STX11: variants seen among roughly 807,000 people sequenced by gnomAD.
STX11 encodes syntaxin-11.
STX11 carries 21 observed loss-of-function variants against 19.9 expected under a neutral mutation model. That is an observed-to-expected ratio of 1.06 (90% CI 0.75 to 1.52). The LOEUF (loss-of-function observed/expected upper bound fraction) is 1.52. Among genes scored for constraint, STX11 ranks in the 40% most tolerant of loss-of-function variants. The pLI, the probability that STX11 is intolerant of heterozygous loss-of-function variation, is 0.00. For missense variants in STX11, 438 were observed against 405.9 expected (o/e 1.08, Z -0.68); for synonymous variants, 193 against 174.4 (o/e 1.11, Z -0.84).
At chr6:144,156,007 T>TCC in intron 1 of STX11, among the ~76,000 whole-genome samples, 1 of 119,816 alleles carries the variant, frequency 8.3e-6, no homozygotes, top group East Asian at 2.8e-4. Context: ...TCTTTCTTTC[T>TCC]TTCTTTCTCT....
upstream of STX11, among the ~76,000 whole-genome samples, chr6:144,148,243 ACT>A (rs1421788086): frequency 6.6e-6 from 1 of 151,842 alleles, no homozygotes; most frequent in African/African-American, 2.4e-5. Context: ...CTCTTCCTGG[ACT>A]CTGTTTTGCC....
rs1801558850 is a variant in STX11, at chr6:144,169,061, T to G, written c.-5-17562T>G. On this transcript the variant is annotated intron_variant, in intron 1 of 1. Transcript: ENST00000367568. The surrounding 1 kb of genome is among the most constrained non-coding windows in gnomAD (Gnocchi z 5.2). ...TAATCAGAAAAGACACCCCTGGTGA[T>G]CTAAGCCTTTTTATTAGCATAATGG... Among the ~76,000 whole-genome samples, 1 of 152,232 alleles carries G rather than the reference T, an allele frequency of 6.6e-6. No homozygotes were observed. Among genetic ancestry groups the G allele is most frequent in the African/African-American group, 2.4e-5 (1 of 41,454 alleles).
In STX11 at chr6:144,152,001, G is replaced by A. The variant is rs768299243; in HGVS notation, c.-6+1298G>A. 6.6e-6 allele frequency among the ~76,000 whole-genome samples: 1 copy of A among 152,084 alleles called. No homozygotes were observed. The highest frequency in any genetic ancestry group is 1.5e-5 in the Non-Finnish European group (1 of 68,022). ...TTCAGCCTCAAACAACAGTTACCAGGTACCTTCTCTGTGCCAGCCTCTTCC... is the reference window on the plus strand; with the variant it reads ...TTCAGCCTCAAACAACAGTTACCAGATACCTTCTCTGTGCCAGCCTCTTCC... On this transcript the variant is annotated intron_variant, in intron 1 of 1. Transcript: ENST00000367568. The surrounding 1 kb of genome is among the most constrained non-coding windows in gnomAD (Gnocchi z 4.9).
At position 144,186,694 on chromosome 6, in the gene STX11, G is replaced by C; in HGVS notation, c.67G>C (p.Asp23His). 1 of 1,614,210 alleles carries C rather than the reference G, an allele frequency of 6.2e-7. No individual in the cohort carries two copies. Among genetic ancestry groups the C allele is most frequent in the Non-Finnish European group, 8.5e-7 (1 of 1,180,056 alleles). ...ATATGACCAGCAGTTCCCAGACGGG[G>C]ACGATGAGTTTGACTCGCCCCACGA... ...KQYDQQFPDG[D>H]DEFDSPHEDI... The change falls in exon 2 of 2, where the codon GAC (aspartate) becomes CAC (histidine). Residue 23 changes from aspartate (D) to histidine (H), a missense_variant. Physicochemically the swap from Asp to His is moderately conservative, Grantham distance 81. Transcript: ENST00000367568.
In STX11 at chr6:144,165,964, G is replaced by A. The variant is rs1026207150; in HGVS notation, c.-6+15261G>A. Among the ~76,000 whole-genome samples the A allele has an allele frequency of 4.6e-5, 7 of 152,312 alleles. No individual in the cohort carries two copies. Among genetic ancestry groups the A allele is most frequent in the South Asian group, 2.1e-4 (1 of 4,832 alleles). On this transcript the variant is annotated intron_variant, in intron 1 of 1. Transcript: ENST00000367568. The surrounding 1 kb of genome is among the most constrained non-coding windows in gnomAD (Gnocchi z 5.8). ...CAGCTAGAGATGGAAATGGGAATAA[G>A]CCCTCGCTTACCAGGCCAAGTACCC...
chr6:144,145,323 T>C, the STX11 span, among the ~76,000 whole-genome samples: 1 of 152,238 alleles, frequency 6.6e-6, no homozygotes, highest in Non-Finnish European at 1.5e-5. Context: ...ATTGTATGAT[T>C]CCACTTATAT....
In STX11 at chr6:144,180,403, G is replaced by T. The variant is rs1445469551; in HGVS notation, c.-5-6220G>T. On this transcript the variant is annotated intron_variant, in intron 1 of 1. Coordinates refer to ENST00000367568, the MANE Select transcript of STX11 (RefSeq NM_003764.4). The surrounding 1 kb of genome is among the most constrained non-coding windows in gnomAD (Gnocchi z 5.3). ...TCCCCACCAAATCTCAACTTGAATT[G>T]TATCTCCCAGAATTCCCATGTGTTG... Among the ~76,000 whole-genome samples the T allele has an allele frequency of 6.6e-6, 1 of 152,192 alleles. No individual in the cohort carries two copies. The highest frequency in any genetic ancestry group is 2.4e-5 in the African/African-American group (1 of 41,444).
rs1801870258 is a variant in STX11 at position 144,180,030 on chromosome 6, C to G, written c.-5-6593C>G. Among the ~76,000 whole-genome samples the G allele has an allele frequency of 1.3e-5, 2 of 152,098 alleles. No individual in the cohort carries two copies. The highest frequency in any genetic ancestry group is 4.1e-4 in the South Asian group (2 of 4,832). ...TTTCTCTTTCTGTGTGTGTGTGTAT[C>G]TACAAGCTGATCTCCATAATAAGCT... On this transcript the variant is annotated intron_variant, in intron 1 of 1. Transcript: ENST00000367568. The surrounding 1 kb of genome is among the most constrained non-coding windows in gnomAD (Gnocchi z 5.3).
At position 144,188,972 on chromosome 6, in the gene STX11, C is replaced by T. The variant is rs898715695; in HGVS notation, c.*1481C>T. On this transcript the variant is annotated 3_prime_UTR_variant, in exon 2 of 2. Transcript: ENST00000367568. ...TGATCTCCTGACCTCGTGATCCGCC[C>T]GCCTCAGCCTCCCATAGTGCTGGGA... Among the ~76,000 whole-genome samples, 3 of 151,946 alleles carry T rather than the reference C, an allele frequency of 2.0e-5. No homozygotes were observed. Among genetic ancestry groups the T allele is most frequent in the African/African-American group, 4.8e-5 (2 of 41,374 alleles).
At chr6:144,173,929 G>A (rs1254593095) in intron 1 of STX11, among the ~76,000 whole-genome samples, 3 of 152,184 alleles carry the variant, frequency 2.0e-5, no homozygotes, top group Non-Finnish European at 2.9e-5. Flanking sequence ...CCACTTCTAG[G>A]TACCAATTTT....
In STX11 at chr6:144,188,164, A is replaced by G. The variant is rs1009987953; in HGVS notation, c.*673A>G. ...TTCCAAACATTTTTAAGCACTGAATATCGAACAAGCACTCAAATTGAAGTA... is the reference window on the plus strand; with the variant it reads ...TTCCAAACATTTTTAAGCACTGAATGTCGAACAAGCACTCAAATTGAAGTA... On this transcript the variant is annotated 3_prime_UTR_variant, in exon 2 of 2. Coordinates refer to ENST00000367568, the MANE Select transcript of STX11 (RefSeq NM_003764.4). 2.5e-5 allele frequency: 6 copies of G among 238,852 alleles called. No individual in the cohort carries two copies. The highest frequency in any genetic ancestry group is 1.1e-4 in the African/African-American group (5 of 44,884). 14.8% of individuals were successfully genotyped at this position (238,852 alleles called of 1,614,324 possible). A position where few individuals can be genotyped will look rare whatever the true frequency, so the allele number is the denominator to read the frequency against.
chr6:144,148,036 G>T (rs568010799), upstream of STX11, among the ~76,000 whole-genome samples: 3 of 152,124 alleles, frequency 2.0e-5, no homozygotes, highest in East Asian at 5.8e-4. Flanking sequence ...TTTCTAACTC[G>T]TTGGCCTGTT....
rs1801762845 is a variant in STX11 at position 144,175,718 on chromosome 6, T to A, written c.-5-10905T>A. ...TAGTCATTACAGGCTTTTTCTGCTCTCACCTTCTTTGATTTTACTTAACAT... is the reference window on the plus strand; with the variant it reads ...TAGTCATTACAGGCTTTTTCTGCTCACACCTTCTTTGATTTTACTTAACAT... On this transcript the variant is annotated intron_variant, in intron 1 of 1. Transcript: ENST00000367568. The surrounding 1 kb of genome is among the most constrained non-coding windows in gnomAD (Gnocchi z 5.1). Among the ~76,000 whole-genome samples, 1 of 152,256 alleles carries A rather than the reference T, an allele frequency of 6.6e-6. No homozygotes were observed. Among genetic ancestry groups the A allele is most frequent in the African/African-American group, 2.4e-5 (1 of 41,466 alleles).
At chr6:144,150,756 T>TCTCTCC in intron 1 of STX11, 53 bp downstream of exon 1, 5 of 143,580 alleles carry the variant, frequency 3.5e-5, no homozygotes, top group Non-Finnish European at 6.3e-5. Flanking sequence ...ATTTTCCCCG[T>TCTCTCC]GCGCGGAGAG....
intron 1 of STX11, among the ~76,000 whole-genome samples, chr6:144,171,980 A>G (rs75810288): frequency 6.6e-6 from 1 of 152,186 alleles, no homozygotes; most frequent in African/African-American, 2.4e-5. Context: ...CACGTTGCTT[A>G]TGTTTGTGTT....
At chr6:144,140,481 C>T in the STX11 span, among the ~76,000 whole-genome samples, 40 of 151,888 alleles carry the variant, frequency 2.6e-4, 1 homozygote, top group East Asian at 7.4e-3. Context: ...TCTTGAAATC[C>T]TGACCTCAAG....
intron 1 of STX11, among the ~76,000 whole-genome samples, chr6:144,173,626 A>G (rs550438291): frequency 6.6e-6 from 1 of 152,352 alleles, no homozygotes; most frequent in Admixed American, 6.5e-5. Flanking sequence ...AGACACACTC[A>G]AAACACTTTC....
In STX11 at chr6:144,170,862, A is replaced by G. The variant is rs548916201; in HGVS notation, c.-5-15761A>G. Among the ~76,000 whole-genome samples, 3 of 152,322 alleles carry G rather than the reference A, an allele frequency of 2.0e-5. No individual in the cohort carries two copies. Among genetic ancestry groups the G allele is most frequent in the Admixed American group, 6.5e-5 (1 of 15,292 alleles). On this transcript the variant is annotated intron_variant, in intron 1 of 1. Coordinates refer to ENST00000367568, the MANE Select transcript of STX11 (RefSeq NM_003764.4). This position sits in a 1 kb window ranked among gnomAD's most constrained non-coding sequence, Gnocchi z 4.7. ...TCACAGGAATACATGACCATAGGTA[A>G]CATATACAAAGTGCTCACTCTCTGC...
At chr6:144,156,059 TC>T (rs1801154238) in intron 1 of STX11, among the ~76,000 whole-genome samples, 2 of 68,076 alleles carry the variant, frequency 2.9e-5, no homozygotes, top group Non-Finnish European at 5.4e-5. Flanking sequence ...TCCCCTCCCC[TC>T]CCCTCCCCTC....
Sources: allele counts gnomAD v4.1 joint callset (sites outside exome capture counted in the v4.1 genomes callset), GRCh38; gene constraint gnomAD v4.1.1; non-coding constraint Gnocchi (gnomAD v3.1); transcripts MANE v1.5; gene names NCBI Gene and HGNC (gene_info 2026-07-23, HGNC 2026-07-21).